The following CSGALNACT2 variants were observed in gnomAD, a reference collection of about 807,000 sequenced individuals.
CSGALNACT2 encodes the protein beta 4 GalNAcT-2.
CSGALNACT2 carries 35 observed loss-of-function variants against 55.3 expected under a neutral mutation model. The observed-to-expected ratio is 0.63, with a 90% CI of 0.48 to 0.84. The LOEUF (loss-of-function observed/expected upper bound fraction) is 0.84, where lower values mean the gene tolerates loss of function less well. CSGALNACT2 is among the 40% of genes least tolerant of loss of function. The pLI, the probability that CSGALNACT2 is intolerant of heterozygous loss-of-function variation, is 0.00. For missense variants in CSGALNACT2, 544 were observed against 657.5 expected (o/e 0.83, Z 1.89); for synonymous variants, 196 against 224.9 (o/e 0.87, Z 1.15).
At chr10:43,162,573 C>T (rs1839175556) in intron 4 of CSGALNACT2, 1 of 985,428 alleles carries the variant, frequency 1.0e-6, no homozygotes, top group East Asian at 1.1e-4. Flanking sequence ...GCATTCAGAG[C>T]ACTTGGAGTC....
At chr10:43,141,300 C>T (rs955579143) in intron 1 of CSGALNACT2, among the ~76,000 whole-genome samples, 1 of 152,080 alleles carries the variant, frequency 6.6e-6, no homozygotes, top group African/African-American at 2.4e-5. Flanking sequence ...TTACTGCGAG[C>T]TCCACCTCCC....
chr10:43,179,988 A>T (rs1702788202), intron 7 of CSGALNACT2, among the ~76,000 whole-genome samples: 1 of 152,126 alleles, frequency 6.6e-6, no homozygotes. Flanking sequence ...CGGGGGAAAA[A>T]ATCCATGAGG....
In CSGALNACT2 at chr10:43,149,445, G is replaced by A. The variant is rs150820984; in HGVS notation, c.-253-5452G>A. Reference sequence around the variant, plus strand: ...GGATTTTGTCAAATGCTTTTTCCATGTCTGTTGAGATGATCAAGTGAATTT... The same window carrying A: ...GGATTTTGTCAAATGCTTTTTCCATATCTGTTGAGATGATCAAGTGAATTT... On this transcript the variant is annotated intron_variant, in intron 1 of 7. Transcript: ENST00000374466. Among the ~76,000 whole-genome samples, 93 of 152,268 alleles carry A rather than the reference G, an allele frequency of 6.1e-4. 1 individual carries two copies. The highest frequency in any genetic ancestry group is 3.4e-3 in the Middle Eastern group (1 of 294).
At position 43,158,782 on chromosome 10, in the gene CSGALNACT2, G is replaced by A. The variant is rs374917659; in HGVS notation, c.729G>A (p.Thr243=). The change falls in exon 3 of 8, where the codon ACG becomes ACA. Residue 243 remains threonine (T), a synonymous_variant. Coordinates refer to ENST00000374466, the MANE Select transcript of CSGALNACT2 (RefSeq NM_018590.5). ...TCTTTTTTAAGAAAGCAGACCTTAC[G>A]GAATATAGACATGTGACCCTCTTCC... The part of the protein sequence containing the change: ...YELFFKKADL[T]EYRHVTLFRP... 5.8e-5 allele frequency: 94 copies of A among 1,612,258 alleles called. No individual in the cohort carries two copies. In the Middle Eastern group the frequency reaches 9.9e-4, roughly 17 times the overall value.
At position 43,155,771 on chromosome 10, in the gene CSGALNACT2, G is replaced by A. The variant is rs1588898528; in HGVS notation, c.622G>A (p.Gly208Arg). 1 of 1,611,338 alleles carries A rather than the reference G, an allele frequency of 6.2e-7. No individual in the cohort carries two copies. The change falls in exon 2 of 8, where the codon GGA (glycine) becomes AGA (arginine). Residue 208 changes from glycine (G) to arginine (R), a missense_variant. Transcript: ENST00000374466. ...ACAAGAAGATGAGGAGGGTCCCCTT[G>A]GAGAGAAACTGATATTTAATGAAAA... ...DEQEDEEGPL[G>R]EKLIFNENDF...
Position 43,155,469 on chromosome 10 carries a change from T to C in CSGALNACT2, c.320T>C (p.Ile107Thr), listed in dbSNP as rs1353988444. The C allele has an allele frequency of 6.2e-7, 1 of 1,614,222 alleles. No individual in the cohort carries two copies. The highest frequency in any genetic ancestry group is 8.5e-7 in the Non-Finnish European group (1 of 1,180,044). The change falls in exon 2 of 8, where the codon ATA (isoleucine) becomes ACA (threonine). Residue 107 changes from isoleucine to threonine, a missense_variant. This residue lies in a region of CSGALNACT2 where 374 missense variants were observed against 401.3 expected (regional missense o/e 0.93). Transcript: ENST00000374466. The stretch of plus-strand genomic sequence containing the variant: ...AGAAGGAATGTAGGGGCTAATGGCA[T>C]AGGCTATCAGAGCAACAAAGAGCAA... ...QERRNVGANG[I>T]GYQSNKEQAP...
intron 6 of CSGALNACT2, among the ~76,000 whole-genome samples, chr10:43,174,823 G>A (rs753410551): frequency 6.6e-6 from 1 of 152,012 alleles, no homozygotes; most frequent in Non-Finnish European, 1.5e-5. Context: ...TTGATGGCAG[G>A]GACTTTGTCA....
In CSGALNACT2 at chr10:43,162,092, A is replaced by G. The variant is rs114142187; in HGVS notation, c.980+1497A>G. ...CAACCAAATTTGGGGAAGAAAATCA[A>G]AACAACTCTTGTTTCTCAGGGATTG... On this transcript the variant is annotated intron_variant, in intron 4 of 7. Transcript: ENST00000374466. The G allele has an allele frequency of 4.5e-3, 2,261 of 505,528 alleles. 42 individuals are homozygous for G. Among genetic ancestry groups the G allele is most frequent in the African/African-American group, 0.039 (1,993 of 51,512 alleles). 31.3% of individuals were successfully genotyped at this position (505,528 alleles called of 1,614,324 possible). A position where few individuals can be genotyped will look rare whatever the true frequency, so the allele number is the denominator to read the frequency against.
rs368047309 is a variant in CSGALNACT2, at chr10:43,151,683, A to G, written c.-253-3214A>G. The stretch of plus-strand genomic sequence containing the variant: ...GTGCAGCTGTATCCACTCTGGTACT[A>G]TATGCTTTAATCCTAGATACCTTGG... On this transcript the variant is annotated intron_variant, in intron 1 of 7. Transcript: ENST00000374466. Among the ~76,000 whole-genome samples, 41 of 152,166 alleles carry G rather than the reference A, an allele frequency of 2.7e-4. 1 individual carries two copies. The South Asian group carries it at 6.7e-3, about 25-fold the overall frequency.
chr10:43,163,453 G>A (rs1020241632), intron 4 of CSGALNACT2: 1 of 915,666 alleles, frequency 1.1e-6, no homozygotes, highest in Non-Finnish European at 1.3e-6. Flanking sequence ...GTATTAGGGA[G>A]GATCCCTCTG....
chr10:43,175,397 G>T (rs1359374970), intron 6 of CSGALNACT2, among the ~76,000 whole-genome samples: 1 of 152,068 alleles, frequency 6.6e-6, no homozygotes, highest in African/African-American at 2.4e-5. Context: ...CAACCACCCT[G>T]GTTTACCTAC....
chr10:43,142,721 A>G (rs1157334788), intron 1 of CSGALNACT2, among the ~76,000 whole-genome samples: 2 of 152,236 alleles, frequency 1.3e-5, no homozygotes, highest in Non-Finnish European at 2.9e-5. Context: ...GAGGTCAGAA[A>G]TGGACTTATG....
At chr10:43,163,124 A>G in intron 4 of CSGALNACT2, 1 of 985,340 alleles carries the variant, frequency 1.0e-6, no homozygotes, top group Non-Finnish European at 1.2e-6. Context: ...AATTATTTTG[A>G]ATGACCTTTA....
At chr10:43,164,281 A>T (rs1163537322) in intron 5 of CSGALNACT2, among the ~76,000 whole-genome samples, 1 of 152,218 alleles carries the variant, frequency 6.6e-6, no homozygotes, top group African/African-American at 2.4e-5. Context: ...TTTGAAGCCA[A>T]ATATGGAAAT....
intron 6 of CSGALNACT2, among the ~76,000 whole-genome samples, chr10:43,168,726 T>A (rs1010283131): frequency 2.6e-5 from 4 of 151,376 alleles, no homozygotes; most frequent in African/African-American, 9.7e-5. Context: ...ACCTTATCTA[T>A]AGGCCAGTAT....
chr10:43,167,139 T>C, intron 6 of CSGALNACT2, 41 bp downstream of exon 6: 1 of 1,256,696 alleles, frequency 8.0e-7, no homozygotes, highest in Non-Finnish European at 1.2e-6. Context: ...ACTCTAAAGA[T>C]CTTTTCTAGA....
chr10:43,164,070 T>A, intron 5 of CSGALNACT2, 26 bp downstream of exon 5: 2 of 1,592,322 alleles, frequency 1.3e-6, no homozygotes, highest in Non-Finnish European at 1.7e-6. Context: ...GTAGATGAGC[T>A]GACTATAGAA....
intron 7 of CSGALNACT2, among the ~76,000 whole-genome samples, chr10:43,177,530 T>C (rs1839504132): frequency 6.6e-6 from 1 of 152,248 alleles, no homozygotes; most frequent in South Asian, 2.1e-4. Flanking sequence ...ATGTGGCCTT[T>C]TATGACTGGC....
intron 7 of CSGALNACT2, among the ~76,000 whole-genome samples, chr10:43,176,673 C>T (rs1289056395): frequency 6.6e-6 from 1 of 152,236 alleles, no homozygotes; most frequent in African/African-American, 2.4e-5. Flanking sequence ...TCAAGCGATC[C>T]TCCTACCTCA....
Sources: gnomAD v4.1 joint callset for allele counts (sites outside exome capture counted in the v4.1 genomes callset) on GRCh38, gnomAD v4.1.1 for gene constraint, gnomAD v4.1.1 regional missense constraint, MANE v1.5 for transcripts, NCBI Gene and HGNC (gene_info 2026-07-23, HGNC 2026-07-21) for gene names.